The following CCSER1 variants were observed in gnomAD, a reference collection of about 807,000 sequenced individuals.
The protein encoded by CCSER1 is serine-rich coiled-coil domain-containing protein 1.
In CCSER1, 41 loss-of-function variants were observed where a neutral mutation model predicts 82.0. That is an observed-to-expected ratio of 0.50 (90% CI 0.39 to 0.65). The LOEUF (loss-of-function observed/expected upper bound fraction) is 0.65, where lower values mean the gene tolerates loss of function less well. CCSER1 is among the 30% of genes least tolerant of loss of function. The pLI is 0.00. For synonymous variants in CCSER1, 414 were observed against 383.9 expected (o/e 1.08, Z -0.92); for missense variants, 1,119 against 1,064.2 (o/e 1.05, Z -0.72).
intron 4 of CCSER1, among the ~76,000 whole-genome samples, chr4:90,412,416 G>A (rs1193594424): frequency 6.6e-6 from 1 of 151,104 alleles, no homozygotes; most frequent in African/African-American, 2.4e-5. Context: ...GTATACATAT[G>A]TAACAAACTT....
At chr4:91,310,416 C>A (rs1263996681) in intron 10 of CCSER1, among the ~76,000 whole-genome samples, 3 of 142,160 alleles carry the variant, frequency 2.1e-5, no homozygotes, top group Non-Finnish European at 4.6e-5. Context: ...AAAAAAAAAT[C>A]TCATAATGTT....
chr4:90,962,792 T>C (rs1355444070), intron 9 of CCSER1, among the ~76,000 whole-genome samples: 2 of 152,288 alleles, frequency 1.3e-5, no homozygotes, highest in Middle Eastern at 3.4e-3. Flanking sequence ...ATTGTTTTTT[T>C]CTACACTGTA....
At chr4:90,247,789 A>G (rs926186859) in intron 1 of CCSER1, among the ~76,000 whole-genome samples, 1 of 151,960 alleles carries the variant, frequency 6.6e-6, no homozygotes, top group African/African-American at 2.4e-5. Flanking sequence ...TCAGTTTTAT[A>G]TATATTATAT....
At chr4:90,923,980 A>T (rs906486113) in intron 9 of CCSER1, among the ~76,000 whole-genome samples, 1 of 152,180 alleles carries the variant, frequency 6.6e-6, no homozygotes, top group African/African-American at 2.4e-5. Context: ...TCAAAATAGG[A>T]TTGTAAAACA....
intron 10 of CCSER1, among the ~76,000 whole-genome samples, chr4:91,194,801 A>G (rs1735274682): frequency 6.6e-6 from 1 of 152,218 alleles, no homozygotes; most frequent in African/African-American, 2.4e-5. Flanking sequence ...TTGTCAGGAT[A>G]AGGTCAAATG....
chr4:90,816,991 T>C lies in CCSER1; in HGVS notation c.2094+1146T>C, dbSNP rs572052116. On this transcript the variant is annotated intron_variant, in intron 8 of 10. Coordinates refer to ENST00000509176, the MANE Select transcript of CCSER1 (RefSeq NM_001145065.2). ...CTGTGGCTTTAGAAGACTTATAAAC[T>C]AGTACTTAGCATAAGAATAGTATCA... is the stretch of plus-strand genomic sequence containing the variant. 2.0e-5 allele frequency among the ~76,000 whole-genome samples: 3 copies of C among 152,220 alleles called. No homozygotes were observed. The East Asian group carries it at 5.8e-4, about 29-fold the overall frequency.
chr4:90,184,714 A>C (rs977965034), intron 1 of CCSER1, among the ~76,000 whole-genome samples: 1 of 152,094 alleles, frequency 6.6e-6, no homozygotes, highest in African/African-American at 2.4e-5. Context: ...AACACTTGGC[A>C]TAGTTTCTGG....
intron 10 of CCSER1, among the ~76,000 whole-genome samples, chr4:91,456,186 G>A (rs1756162291): frequency 6.6e-6 from 1 of 151,988 alleles, no homozygotes. Context: ...CTCATCTTGT[G>A]TCCTTGCATG....
chr4:91,378,967 T>C (rs983132524), intron 10 of CCSER1, among the ~76,000 whole-genome samples: 11 of 152,228 alleles, frequency 7.2e-5, no homozygotes, highest in African/African-American at 2.4e-4. Flanking sequence ...TGAAGGGCTG[T>C]TGAATTTTGT....
At chr4:91,487,062 TTATTAAAGAAAC>T (rs1758261769) in intron 10 of CCSER1, among the ~76,000 whole-genome samples, 1 of 152,090 alleles carries the variant, frequency 6.6e-6, no homozygotes, top group Non-Finnish European at 1.5e-5. Context: ...ATATAGGCCA[TTATTAAAGAAAC>T]TATTAATTTA....
At chr4:90,398,315 T>A (rs1231289939) in intron 3 of CCSER1, among the ~76,000 whole-genome samples, 1 of 152,182 alleles carries the variant, frequency 6.6e-6, no homozygotes, top group Non-Finnish European at 1.5e-5. Flanking sequence ...GGGTTAGGAT[T>A]TTTTATAAAT....
At chr4:90,282,460 ATTATTG>A (rs1179242750) in intron 1 of CCSER1, among the ~76,000 whole-genome samples, 10 of 150,930 alleles carry the variant, frequency 6.6e-5, no homozygotes, top group African/African-American at 2.4e-4. Flanking sequence ...GTATACATAT[ATTATTG>A]TTATTGTTGC....
intron 3 of CCSER1, among the ~76,000 whole-genome samples, chr4:90,319,797 A>G (rs1242323466): frequency 6.6e-6 from 1 of 152,202 alleles, no homozygotes; most frequent in African/African-American, 2.4e-5. Flanking sequence ...ACTGACTGTT[A>G]ATAGAATTAA....
At chr4:90,991,064 A>G (rs947475377) in intron 9 of CCSER1, among the ~76,000 whole-genome samples, 2 of 151,782 alleles carry the variant, frequency 1.3e-5, no homozygotes, top group Non-Finnish European at 2.9e-5. Context: ...TTTAACACGC[A>G]GTCAGGTAGT....
chr4:90,851,250 T>C (rs1262605772), intron 8 of CCSER1, among the ~76,000 whole-genome samples: 2 of 152,162 alleles, frequency 1.3e-5, no homozygotes, highest in African/African-American at 4.8e-5. Flanking sequence ...GATGAATAAT[T>C]TCAGAAAACA....
intron 10 of CCSER1, among the ~76,000 whole-genome samples, chr4:91,397,745 C>A (rs1005696184): frequency 7.9e-5 from 12 of 151,830 alleles, no homozygotes; most frequent in Non-Finnish European, 1.2e-4. Flanking sequence ...GAAATAAATT[C>A]TTAAAGGAAA....
chr4:91,162,817 C>CT (rs1475574748), intron 10 of CCSER1, among the ~76,000 whole-genome samples: 1 of 152,046 alleles, frequency 6.6e-6, no homozygotes, highest in African/African-American at 2.4e-5. Context: ...TGATTATTCT[C>CT]TTTTTTCTTC....
At chr4:91,156,681 T>C (rs746945537) in intron 10 of CCSER1, among the ~76,000 whole-genome samples, 1 of 151,842 alleles carries the variant, frequency 6.6e-6, no homozygotes, top group African/African-American at 2.4e-5. Flanking sequence ...AACAGGAACT[T>C]CTTCATCTTT....
chr4:91,604,305 A>ACTT lies in CCSER1; in HGVS notation c.*5250_*5252dup, dbSNP rs1560796310. 2 of 152,136 alleles carry ACTT rather than the reference A, an allele frequency of 1.3e-5. No individual in the cohort carries two copies. The highest frequency in any genetic ancestry group is 2.1e-4 in the South Asian group (1 of 4,838). The allele number at this position is 152,136 out of a possible 1,614,324, so 9.4% of individuals were successfully genotyped here. A position where few individuals can be genotyped will look rare whatever the true frequency, so the allele number is the denominator to read the frequency against. On this transcript the variant is annotated 3_prime_UTR_variant, in exon 11 of 11. Transcript: ENST00000509176. ...CTGCTTCAATCTCCTTTACTCCTAAACTTCCATTGATATTGCTAGGGACAA... is the reference window on the plus strand; with the variant it reads ...CTGCTTCAATCTCCTTTACTCCTAAACTTCTTCCATTGATATTGCTAGGGACAA...
Sources: allele counts gnomAD v4.1 joint callset (sites outside exome capture counted in the v4.1 genomes callset), GRCh38; gene constraint gnomAD v4.1.1; transcripts MANE v1.5; gene names NCBI Gene and HGNC (gene_info 2026-07-23, HGNC 2026-07-21).